Variants in CNTNAP2 observed in about 807,000 individuals in gnomAD.
CNTNAP2 encodes contactin-associated protein-like 2.
Under a neutral mutation model 155.2 loss-of-function variants are expected in CNTNAP2, and 98 were observed. The ratio of observed to expected loss-of-function variants is 0.63; its 90% confidence interval spans 0.54 to 0.75. CNTNAP2 has a LOEUF of 0.75. Ranked by LOEUF, CNTNAP2 falls within the 30% of genes least tolerant of loss-of-function variation. The pLI is 0.00. For missense variants in CNTNAP2, 1,727 were observed against 1,688.1 expected, an observed-to-expected ratio of 1.02 and a Z score of -0.40; for synonymous variants, 651 against 631.2, an observed-to-expected ratio of 1.03 and a Z score of -0.47.
rs1420638096 is a variant in CNTNAP2 at position 146,721,529 on chromosome 7, C to CTATATATACATTCTATATATATTCTA, written c.98-52736_98-52735insTACATTCTATATATATTCTATATATA. On this transcript the variant is annotated intron_variant, in intron 1 of 23. Coordinates refer to ENST00000361727, the MANE Select transcript of CNTNAP2 (RefSeq NM_014141.6). The stretch of plus-strand genomic sequence containing the variant: ...TCTATATATACATTCTATATATATT[C>CTATATATACATTCTATATATATTCTA]TATATACATTCTATATATATTCTAT... 3.3e-3 allele frequency among the ~76,000 whole-genome samples: 357 copies of CTATATATACATTCTATATATATTCTA among 106,678 alleles called. 1 individual carries two copies. Among genetic ancestry groups the CTATATATACATTCTATATATATTCTA allele is most frequent in the East Asian group, 0.015 (51 of 3,414 alleles). 70.0% of individuals were successfully genotyped at this position (106,678 alleles called of 152,430 possible). A position where few individuals can be genotyped will look rare whatever the true frequency, so the allele number is the denominator to read the frequency against.
chr7:147,833,918 T>C (rs1006671683), intron 13 of CNTNAP2, among the ~76,000 whole-genome samples: 2 of 152,118 alleles, frequency 1.3e-5, no homozygotes, highest in African/African-American at 4.8e-5. Flanking sequence ...AGCGAGGGAC[T>C]ATGATGGCAA....
chr7:146,271,937 T>C (rs1191912824), intron 1 of CNTNAP2, among the ~76,000 whole-genome samples: 1 of 152,216 alleles, frequency 6.6e-6, no homozygotes, highest in African/African-American at 2.4e-5. Context: ...AGAACTTGTA[T>C]TGGAATTCTT....
At chr7:148,276,538 G>A (rs1352245515) in intron 21 of CNTNAP2, among the ~76,000 whole-genome samples, 1 of 152,234 alleles carries the variant, frequency 6.6e-6, no homozygotes, top group East Asian at 1.9e-4. Context: ...CCAACACACT[G>A]CTGAGGCCAG....
intron 13 of CNTNAP2, among the ~76,000 whole-genome samples, chr7:147,746,210 A>G (rs1797040586): frequency 6.6e-6 from 1 of 152,202 alleles, no homozygotes; most frequent in African/African-American, 2.4e-5. Flanking sequence ...GCAGAAGAGG[A>G]TCTGAAATTG....
At chr7:147,150,211 T>G (rs1332873117) in intron 8 of CNTNAP2, among the ~76,000 whole-genome samples, 2 of 152,128 alleles carry the variant, frequency 1.3e-5, no homozygotes, top group Non-Finnish European at 2.9e-5. Context: ...GATTATTTAC[T>G]AAGTAAGAAC....
chr7:147,077,510 C>G (rs1228600701), intron 4 of CNTNAP2, among the ~76,000 whole-genome samples: 2 of 152,124 alleles, frequency 1.3e-5, no homozygotes, highest in African/African-American at 4.8e-5. Flanking sequence ...TTCCTGAAAC[C>G]TTATCTAATA....
At chr7:146,984,243 T>C (rs1798072946) in intron 3 of CNTNAP2, among the ~76,000 whole-genome samples, 1 of 151,770 alleles carries the variant, frequency 6.6e-6, no homozygotes, top group African/African-American at 2.4e-5. Flanking sequence ...GGGACACGCC[T>C]GTAATCCCAG....
chr7:147,107,361 G>A (rs1364346290), intron 4 of CNTNAP2, among the ~76,000 whole-genome samples: 1 of 152,024 alleles, frequency 6.6e-6, no homozygotes, highest in East Asian at 1.9e-4. Context: ...TTTTTAAAAA[G>A]TTTACATACT....
At chr7:146,121,369 T>G (rs1797561170) in intron 1 of CNTNAP2, among the ~76,000 whole-genome samples, 1 of 152,094 alleles carries the variant, frequency 6.6e-6, no homozygotes, top group Non-Finnish European at 1.5e-5. Context: ...CATCTGTTTT[T>G]AAAAAGTAGA....
At chr7:147,660,393 A>T (rs375704904) in intron 13 of CNTNAP2, among the ~76,000 whole-genome samples, 1 of 152,314 alleles carries the variant, frequency 6.6e-6, no homozygotes, top group Admixed American at 6.5e-5. Flanking sequence ...CAAGGTCTAC[A>T]TATCTTTCCC....
intron 9 of CNTNAP2, among the ~76,000 whole-genome samples, chr7:147,306,253 A>T (rs1213998811): frequency 1.3e-5 from 2 of 152,238 alleles, no homozygotes; most frequent in Non-Finnish European, 2.9e-5. Context: ...TTCTAATTTT[A>T]TATTATCTAT....
At chr7:147,905,751 G>T (rs1403405280) in intron 14 of CNTNAP2, among the ~76,000 whole-genome samples, 1 of 152,154 alleles carries the variant, frequency 6.6e-6, no homozygotes, top group African/African-American at 2.4e-5. Context: ...GGGCATGGTG[G>T]TGGGTGCCTG....
rs1221762402 is a variant in CNTNAP2, at chr7:148,366,118, A to G, written c.3476-17531A>G. 4.8e-4 allele frequency among the ~76,000 whole-genome samples: 16 copies of G among 33,564 alleles called. 8 individuals carry two copies. The highest frequency in any genetic ancestry group is 1.2e-3 in the African/African-American group (16 of 13,692). 22.0% of individuals were successfully genotyped at this position (33,564 alleles called of 152,430 possible). A position where few individuals can be genotyped will look rare whatever the true frequency, so the allele number is the denominator to read the frequency against. The stretch of plus-strand genomic sequence containing the variant: ...TGTATGTGTATGCATGTATGCATGT[A>G]TGTGTATGCATGTATGCATGTATGT... On this transcript the variant is annotated intron_variant, in intron 21 of 23. Transcript: ENST00000361727.
intron 1 of CNTNAP2, among the ~76,000 whole-genome samples, chr7:146,702,175 C>T (rs1800888834): frequency 6.6e-6 from 1 of 152,116 alleles, no homozygotes; most frequent in African/African-American, 2.4e-5. Context: ...TTTAATCCTA[C>T]ATCTATGTAC....
intron 20 of CNTNAP2, among the ~76,000 whole-genome samples, chr7:148,260,746 C>T (rs930151021): frequency 3.9e-5 from 6 of 152,194 alleles, no homozygotes; most frequent in Non-Finnish European, 7.3e-5. Flanking sequence ...GGAGGCAAAG[C>T]TGCCCCTGTC....
intron 8 of CNTNAP2, among the ~76,000 whole-genome samples, chr7:147,172,169 A>G (rs1009338435): frequency 2.6e-5 from 4 of 152,320 alleles, no homozygotes; most frequent in Non-Finnish European, 2.9e-5. Flanking sequence ...TTTAATGCAT[A>G]CCAATAATAG....
intron 4 of CNTNAP2, among the ~76,000 whole-genome samples, chr7:147,051,863 G>A (rs971315758): frequency 6.6e-6 from 1 of 152,000 alleles, no homozygotes; most frequent in Non-Finnish European, 1.5e-5. Flanking sequence ...CTGACTACAC[G>A]TTAATGATGC....
chr7:148,100,456 G>A (rs925264513), intron 15 of CNTNAP2, among the ~76,000 whole-genome samples: 3 of 152,136 alleles, frequency 2.0e-5, no homozygotes, highest in Admixed American at 2.0e-4. Context: ...TTATATATGT[G>A]GGGTATATAC....
chr7:146,451,712 T>C (rs1796482669), intron 1 of CNTNAP2, among the ~76,000 whole-genome samples: 1 of 151,832 alleles, frequency 6.6e-6, no homozygotes, highest in Admixed American at 6.6e-5. Flanking sequence ...TTTCAAACAG[T>C]CTTCAAGACT....
Sources: gnomAD v4.1 joint callset for allele counts (sites outside exome capture counted in the v4.1 genomes callset) on GRCh38, gnomAD v4.1.1 for gene constraint, MANE v1.5 for transcripts, NCBI Gene and HGNC (gene_info 2026-07-23, HGNC 2026-07-21) for gene names.